ADORA2B: variants seen among roughly 807,000 people sequenced by gnomAD.
ADORA2B encodes the protein adenosine A2b receptor.
A neutral mutation model predicts 20.8 loss-of-function variants in ADORA2B; 18 were observed. The ratio of observed to expected loss-of-function variants is 0.87; its 90% confidence interval spans 0.60 to 1.29. The LOEUF (loss-of-function observed/expected upper bound fraction) is 1.29. Among genes scored for constraint, ADORA2B ranks in the 50% most tolerant of loss-of-function variants. The pLI is 0.00. For synonymous variants in ADORA2B, 179 were observed against 178.3 expected, an observed-to-expected ratio of 1.00 and a Z score of -0.03; for missense variants, 441 against 422.7, an observed-to-expected ratio of 1.04 and a Z score of -0.38.
chr17:15,912,072 G>A, the ADORA2B span, among the ~76,000 whole-genome samples: 30 of 152,154 alleles, frequency 2.0e-4, 1 homozygote, highest in Admixed American at 1.8e-3. Flanking sequence ...AATTAGCTGG[G>A]TGTGGTGGCA....
the ADORA2B span, among the ~76,000 whole-genome samples, chr17:15,934,930 CTGA>C: frequency 6.6e-6 from 1 of 152,150 alleles, no homozygotes; most frequent in Non-Finnish European, 1.5e-5. Context: ...CCTCAGCCTC[CTGA>C]TAAGCTGGGA....
chr17:15,923,325 C>T, the ADORA2B span, among the ~76,000 whole-genome samples: 4 of 149,778 alleles, frequency 2.7e-5, no homozygotes, highest in African/African-American at 7.4e-5. Context: ...GCTAGGATTA[C>T]AGGCGTGAGC....
At chr17:15,880,671 T>A in the ADORA2B span, among the ~76,000 whole-genome samples, 1 of 152,040 alleles carries the variant, frequency 6.6e-6, no homozygotes, top group Non-Finnish European at 1.5e-5. Context: ...GAAGGACAGA[T>A]GTGGCCCGCT....
At chr17:15,956,069 T>G (rs958891344) in intron 1 of ADORA2B, among the ~76,000 whole-genome samples, 6 of 152,230 alleles carry the variant, frequency 3.9e-5, no homozygotes, top group African/African-American at 1.4e-4. Context: ...CACTGTTCTC[T>G]GACAGTTCCC....
intron 1 of ADORA2B, among the ~76,000 whole-genome samples, chr17:15,963,845 C>T (rs1970068249): frequency 6.6e-6 from 1 of 152,194 alleles, no homozygotes; most frequent in Non-Finnish European, 1.5e-5. Context: ...TCTTAGGGGA[C>T]TGTGAAGGAC....
the ADORA2B span, among the ~76,000 whole-genome samples, chr17:15,930,180 T>C: frequency 6.6e-6 from 1 of 152,122 alleles, no homozygotes; most frequent in Non-Finnish European, 1.5e-5. Flanking sequence ...GTGAGCATCC[T>C]GGGGCGACCC....
At chr17:15,855,680 C>A in the ADORA2B span, among the ~76,000 whole-genome samples, 1 of 151,628 alleles carries the variant, frequency 6.6e-6, no homozygotes, top group East Asian at 1.9e-4. Context: ...AGCAGATCTC[C>A]AGAAACTTTT....
At chr17:15,944,524 G>A (rs1969772319), upstream of ADORA2B, among the ~76,000 whole-genome samples, 1 of 152,170 alleles carries the variant, frequency 6.6e-6, no homozygotes, top group African/African-American at 2.4e-5. This position sits in a 1 kb window ranked among gnomAD's most constrained non-coding sequence, Gnocchi z 4.8. Flanking sequence ...CAGTGGCGCG[G>A]GCGAGGGTGG....
At chr17:15,970,319 G>A (rs6502477) in intron 1 of ADORA2B, among the ~76,000 whole-genome samples, 28 of 151,978 alleles carry the variant, frequency 1.8e-4, no homozygotes, top group African/African-American at 6.5e-4. Flanking sequence ...GATTTAATTA[G>A]CTGCTTTTCC....
the ADORA2B span, among the ~76,000 whole-genome samples, chr17:15,927,843 C>A: frequency 6.6e-6 from 1 of 152,072 alleles, no homozygotes; most frequent in Non-Finnish European, 1.5e-5. Flanking sequence ...AAGAGTCAGG[C>A]GCAAGGTGGC....
chr17:15,911,948 C>G, the ADORA2B span, among the ~76,000 whole-genome samples: 1 of 152,124 alleles, frequency 6.6e-6, no homozygotes. Flanking sequence ...TGTGATGGCT[C>G]ACACCTATAA....
chr17:15,905,718 C>T, the ADORA2B span, among the ~76,000 whole-genome samples: 1 of 151,434 alleles, frequency 6.6e-6, no homozygotes, highest in Non-Finnish European at 1.5e-5. Context: ...TGCAGTTGTG[C>T]GATCTCAGCT....
At chr17:15,906,721 T>C in the ADORA2B span, among the ~76,000 whole-genome samples, 1 of 152,228 alleles carries the variant, frequency 6.6e-6, no homozygotes, top group Admixed American at 6.5e-5. Context: ...TGCAGTCATA[T>C]AGGTCTGGTG....
chr17:15,896,447 T>A, the ADORA2B span, among the ~76,000 whole-genome samples: 23 of 152,254 alleles, frequency 1.5e-4, no homozygotes, highest in African/African-American at 5.3e-4. Context: ...CACAATGAGA[T>A]GTGTCGCCAA....
At chr17:15,928,903 G>T in the ADORA2B span, among the ~76,000 whole-genome samples, 1 of 152,138 alleles carries the variant, frequency 6.6e-6, no homozygotes, top group Admixed American at 6.5e-5. Flanking sequence ...CAGGGCTCGA[G>T]GGTGATGTAG....
the ADORA2B span, among the ~76,000 whole-genome samples, chr17:15,879,976 T>C: frequency 1.3e-5 from 2 of 149,318 alleles, no homozygotes; most frequent in Non-Finnish European, 2.9e-5. Context: ...TTGTGTTCTC[T>C]AACAGTGAAG....
chr17:15,904,438 G>T, the ADORA2B span, among the ~76,000 whole-genome samples: 9 of 144,256 alleles, frequency 6.2e-5, no homozygotes, highest in African/African-American at 2.1e-4. Flanking sequence ...CTGTTGCCCA[G>T]GCTGGAGTGC....
chr17:15,952,371 G>A (rs1223124487), intron 1 of ADORA2B, among the ~76,000 whole-genome samples: 2 of 152,112 alleles, frequency 1.3e-5, no homozygotes, highest in African/African-American at 4.8e-5. Context: ...CTTTGCGACC[G>A]CCCTATGGGA....
At chr17:15,939,628 G>A in the ADORA2B span, among the ~76,000 whole-genome samples, 5 of 152,170 alleles carry the variant, frequency 3.3e-5, no homozygotes, top group Non-Finnish European at 4.4e-5. Context: ...GGGAGGCTGA[G>A]GCGGGCAGAT....
Sources: allele counts gnomAD v4.1 joint callset (sites outside exome capture counted in the v4.1 genomes callset), GRCh38; gene constraint gnomAD v4.1.1; non-coding constraint Gnocchi (gnomAD v3.1); transcripts MANE v1.5; gene names NCBI Gene and HGNC (gene_info 2026-07-23, HGNC 2026-07-21).